KIF9: variants seen among roughly 807,000 people sequenced by gnomAD.
KIF9 encodes kinesin-like protein KIF9.
Under a neutral mutation model 94.8 loss-of-function variants are expected in KIF9, and 68 were observed. The ratio of observed to expected loss-of-function variants is 0.72; its 90% CI spans 0.59 to 0.88. KIF9 has a LOEUF of 0.88. Ranked by LOEUF, KIF9 falls within the 40% of genes least tolerant of loss-of-function variation. The probability of loss-of-function intolerance (pLI) is 0.00; values close to 1 mark genes in which losing one functional copy is unlikely to be tolerated. For missense variants in KIF9, 882 were observed against 982.5 expected, an observed-to-expected ratio of 0.90 and a Z score of 1.37; for synonymous variants, 343 against 362.1, an observed-to-expected ratio of 0.95 and a Z score of 0.60.
At position 47,277,279 on chromosome 3, in the gene KIF9, T is replaced by G. The variant is rs781592793; in HGVS notation, c.93+3A>C. ...CAGTTGAAGGCAAACACATCGCACTTACTCTTTTGTCATCTCCGTATCTGA... is the reference window on the plus strand; with the variant it reads ...CAGTTGAAGGCAAACACATCGCACTGACTCTTTTGTCATCTCCGTATCTGA... On this transcript the variant is annotated splice_donor_region_variant and intron_variant, in intron 2 of 20. Coordinates refer to ENST00000684063, the MANE Select transcript of KIF9 (RefSeq NM_182902.4). The G allele has an allele frequency of 1.9e-5, 31 of 1,611,232 alleles. No homozygotes were observed. The highest frequency in any genetic ancestry group is 2.5e-5 in the Non-Finnish European group (29 of 1,177,630).
In KIF9 at chr3:47,257,519, G is replaced by A; in HGVS notation, c.1023C>T (p.Thr341=). The change falls in exon 10 of 21, where the codon ACC becomes ACT. Residue 341 remains threonine (T), a synonymous_variant. Coordinates refer to ENST00000684063, the MANE Select transcript of KIF9 (RefSeq NM_182902.4). Reference sequence around the variant, plus strand: ...ACTTTTCATTGATGGCAGGCTCAGTGGTGACTAGCTTCATCCTGCTGGCAA... The same window carrying A: ...ACTTTTCATTGATGGCAGGCTCAGTAGTGACTAGCTTCATCCTGCTGGCAA... ...LRFASRMKLV[T]TEPAINEKYD... is the part of the protein sequence containing the mutation. The A allele has an allele frequency of 6.8e-6, 11 of 1,613,986 alleles. No individual in the cohort carries two copies. Among genetic ancestry groups the A allele is most frequent in the Non-Finnish European group, 9.3e-6 (11 of 1,180,006 alleles).
Position 47,275,315 on chromosome 3 carries a change from A to C in KIF9, c.259+10T>G, listed in dbSNP as rs1303180226. 3.2e-6 allele frequency: 5 copies of C among 1,585,602 alleles called. No homozygotes were observed. Among genetic ancestry groups the C allele is most frequent in the Non-Finnish European group, 4.3e-6 (5 of 1,167,110 alleles). On this transcript the variant is annotated intron_variant, in intron 3 of 20. Transcript: ENST00000684063. ...TCTTACATAAGACAACATTTAATTA[A>C]TTAAGTTACCATTATAGCCATCGAG...
intron 20 of KIF9, among the ~76,000 whole-genome samples, chr3:47,232,296 TG>T (rs1458047257): frequency 3.3e-5 from 5 of 152,144 alleles, no homozygotes; most frequent in African/African-American, 9.7e-5. Context: ...TGTTTTGTTT[TG>T]TTTTTTTTAC....
intron 10 of KIF9, among the ~76,000 whole-genome samples, chr3:47,251,874 T>C (rs1343004071): frequency 6.6e-6 from 1 of 152,104 alleles, no homozygotes; most frequent in Admixed American, 6.5e-5. Flanking sequence ...AATCACCGAC[T>C]GGCAGAGTGG....
At chr3:47,278,334 C>T (rs1702107101) in intron 1 of KIF9, among the ~76,000 whole-genome samples, 1 of 152,084 alleles carries the variant, frequency 6.6e-6, no homozygotes, top group South Asian at 2.1e-4. Flanking sequence ...TCTTAGACTT[C>T]CAAAGTGCTG....
At chr3:47,263,955 C>T (rs1052461862) in intron 9 of KIF9, 19 of 486,492 alleles carry the variant, frequency 3.9e-5, no homozygotes, top group African/African-American at 9.7e-5. Flanking sequence ...AAGTCACCAA[C>T]GATCCTTCTT....
intron 5 of KIF9, among the ~76,000 whole-genome samples, chr3:47,268,030 C>A (rs1280347558): frequency 6.6e-6 from 1 of 151,938 alleles, no homozygotes; most frequent in Admixed American, 6.6e-5. Context: ...CACTACCACA[C>A]CTGGCTAATT....
intron 2 of KIF9, among the ~76,000 whole-genome samples, chr3:47,276,937 T>TATTC (rs1438574186): frequency 6.8e-6 from 1 of 146,666 alleles, no homozygotes; most frequent in Non-Finnish European, 1.5e-5. Flanking sequence ...GAACTCAAGA[T>TATTC]ATTCTTACTG....
At chr3:47,245,285 T>C in intron 14 of KIF9, 136 bp downstream of exon 14, 1 of 751,830 alleles carries the variant, frequency 1.3e-6, no homozygotes, top group East Asian at 2.5e-5. Flanking sequence ...ACAGGTCACC[T>C]GTGTTCATTC....
intron 2 of KIF9, among the ~76,000 whole-genome samples, chr3:47,276,429 G>C (rs192239700): frequency 5.5e-4 from 83 of 152,070 alleles, no homozygotes; most frequent in African/African-American, 1.7e-3. Flanking sequence ...GGTGGCACGT[G>C]CCTGTAATCC....
intron 1 of KIF9, among the ~76,000 whole-genome samples, chr3:47,278,025 T>G (rs1009811377): frequency 1.3e-5 from 2 of 152,110 alleles, no homozygotes; most frequent in Non-Finnish European, 2.9e-5. Flanking sequence ...CGTGTGCATA[T>G]ACATATATAT....
At chr3:47,236,299 C>T (rs1699021015) in intron 18 of KIF9, 144 bp downstream of exon 18, 2 of 1,058,738 alleles carry the variant, frequency 1.9e-6, no homozygotes, top group South Asian at 1.5e-5. Context: ...CCTCACAGTC[C>T]TGGGAACCAC....
intron 10 of KIF9, among the ~76,000 whole-genome samples, chr3:47,252,094 G>A (rs1010045534): frequency 6.6e-6 from 1 of 152,190 alleles, no homozygotes; most frequent in African/African-American, 2.4e-5. Flanking sequence ...CGAAGACAGT[G>A]CTGAAAATGA....
intron 7 of KIF9, 88 bp from the exon 8 acceptor site, chr3:47,265,965 A>C (rs750811281): frequency 1.7e-5 from 25 of 1,472,646 alleles, no homozygotes; most frequent in Non-Finnish European, 2.1e-5. Context: ...GAGAAATGCT[A>C]TAAGTCTGTG....
chr3:47,279,637 G>A (rs1450989221), intron 1 of KIF9, among the ~76,000 whole-genome samples: 2 of 146,194 alleles, frequency 1.4e-5, no homozygotes, highest in African/African-American at 5.1e-5. Context: ...TTTTTTTTGA[G>A]GCAGAGTCTC....
intron 9 of KIF9, among the ~76,000 whole-genome samples, chr3:47,262,902 TTTTTG>T (rs1451365197): frequency 1.3e-5 from 2 of 151,434 alleles, no homozygotes; most frequent in Non-Finnish European, 2.9e-5. Flanking sequence ...TTGTGGGGTT[TTTTTG>T]TTTTGTTTTT....
chr3:47,264,438 TTTTTA>T (rs140345125), intron 8 of KIF9, 88 bp from the exon 9 acceptor site: 374,400 of 1,027,882 alleles, frequency 0.36, 70,391 homozygotes, highest in Middle Eastern at 0.45. Context: ...TACTGAATGC[TTTTTA>T]TTTGTTTTTT....
chr3:47,266,579 A>G (rs1576053734), intron 7 of KIF9, among the ~76,000 whole-genome samples: 1 of 152,190 alleles, frequency 6.6e-6, no homozygotes, highest in East Asian at 1.9e-4. Flanking sequence ...TGGGAGGTCA[A>G]GGCTGCAGTG....
At position 47,275,418 on chromosome 3, in the gene KIF9, T is replaced by G; in HGVS notation, c.166A>C (p.Lys56Gln). The change falls in exon 3 of 21, where the codon AAG (lysine) becomes CAG (glutamine). Residue 56 changes from lysine (K) to glutamine (Q), a missense_variant. By Grantham distance (53) the Lys-to-Gln change is moderately conservative. Coordinates refer to ENST00000684063, the MANE Select transcript of KIF9 (RefSeq NM_182902.4). ...VNNQQTDWSF[K>Q]LDGVLHDASQ... ...GCATCGTGAAGAACTCCATCCAACT[T>G]AAACGACCAGTCTGTCTGTTGGTTA... 1 of 1,613,082 alleles carries G rather than the reference T, an allele frequency of 6.2e-7. No individual in the cohort carries two copies.
Sources: gnomAD v4.1 joint callset for allele counts (sites outside exome capture counted in the v4.1 genomes callset) on GRCh38, gnomAD v4.1.1 for gene constraint, MANE v1.5 for transcripts, NCBI Gene and HGNC (gene_info 2026-07-23, HGNC 2026-07-21) for gene names.